Variants in C7orf78 observed in about 807,000 individuals in gnomAD.
C7orf78 encodes putative uncharacterized protein C7orf78.
chr7:12,507,304 CAAAAA>C, the C7orf78 span: 10 of 75,084 alleles, frequency 1.3e-4, no homozygotes, highest in South Asian at 4.9e-4. Context: ...GAGACTCCAC[CAAAAA>C]AAAAAAAAAA....
chr7:12,541,880 C>A, the C7orf78 span: 1 of 152,168 alleles, frequency 6.6e-6, no homozygotes, highest in African/African-American at 2.4e-5. Flanking sequence ...CTCCAAGTAA[C>A]AGAAATAATA....
At chr7:12,492,896 A>C in the C7orf78 span, among the ~76,000 whole-genome samples, 3 of 152,158 alleles carry the variant, frequency 2.0e-5, no homozygotes, top group African/African-American at 7.2e-5. Flanking sequence ...ATCACTTAGG[A>C]TATCTGTTTA....
At chr7:12,513,129 T>C in the C7orf78 span, among the ~76,000 whole-genome samples, 8 of 152,174 alleles carry the variant, frequency 5.3e-5, no homozygotes, top group South Asian at 8.3e-4. Flanking sequence ...TTGTATTTCA[T>C]TGATTCTCTG....
At chr7:12,494,015 T>C in the C7orf78 span, among the ~76,000 whole-genome samples, 27,727 of 152,176 alleles carry the variant, frequency 0.18, 2,947 homozygotes, top group Middle Eastern at 0.26. Context: ...ATAGGGTTAG[T>C]ATTGGATGAG....
the C7orf78 span, among the ~76,000 whole-genome samples, chr7:12,501,767 T>A: frequency 9.5e-5 from 14 of 147,214 alleles, no homozygotes; most frequent in Admixed American, 8.9e-4. Flanking sequence ...AGAGCCCACA[T>A]TGCCAAGTCA....
the C7orf78 span, among the ~76,000 whole-genome samples, chr7:12,498,974 C>T: frequency 6.6e-6 from 1 of 151,852 alleles, no homozygotes; most frequent in African/African-American, 2.4e-5. Flanking sequence ...ATTTCATTTC[C>T]AGCCAAACTA....
the C7orf78 span, among the ~76,000 whole-genome samples, chr7:12,540,062 GT>G: frequency 6.6e-6 from 1 of 152,296 alleles, no homozygotes; most frequent in East Asian, 1.9e-4. Flanking sequence ...TATTGGGTTG[GT>G]TTCAATGGAA....
chr7:12,512,086 A>C, the C7orf78 span, among the ~76,000 whole-genome samples: 1 of 151,674 alleles, frequency 6.6e-6, no homozygotes, highest in African/African-American at 2.4e-5. Context: ...GAATTTGTTT[A>C]TTAGTTCTAA....
the C7orf78 span, chr7:12,491,328 C>G: frequency 6.6e-6 from 1 of 152,130 alleles, no homozygotes; most frequent in Non-Finnish European, 1.5e-5. Flanking sequence ...TCCTTTACGT[C>G]AAAATAATTT....
the C7orf78 span, among the ~76,000 whole-genome samples, chr7:12,540,101 T>C: frequency 9.6e-4 from 147 of 152,360 alleles, no homozygotes; most frequent in Admixed American, 3.5e-3. Flanking sequence ...AGGAAAACTC[T>C]TGTCCATGTG....
chr7:12,487,287 G>T, the C7orf78 span, among the ~76,000 whole-genome samples: 1 of 151,972 alleles, frequency 6.6e-6, no homozygotes, highest in Admixed American at 6.6e-5. Context: ...AGAAGTCAGG[G>T]ATTAAATTTT....
At chr7:12,524,874 A>G in the C7orf78 span, among the ~76,000 whole-genome samples, 2 of 152,062 alleles carry the variant, frequency 1.3e-5, no homozygotes, top group Admixed American at 1.3e-4. Flanking sequence ...CAGACTTAAA[A>G]ACTTGAGTAA....
At chr7:12,528,962 C>T in the C7orf78 span, 11 of 398,472 alleles carry the variant, frequency 2.8e-5, no homozygotes, top group Admixed American at 2.2e-4. Flanking sequence ...AGATTTATCA[C>T]CCACAAGCAT....
chr7:12,495,644 G>C, the C7orf78 span, among the ~76,000 whole-genome samples: 1 of 152,108 alleles, frequency 6.6e-6, no homozygotes, highest in East Asian at 1.9e-4. Flanking sequence ...AGTAAAGAAA[G>C]TCTCTTGTTT....
At chr7:12,504,660 A>C in the C7orf78 span, 1 of 152,128 alleles carries the variant, frequency 6.6e-6, no homozygotes, top group African/African-American at 2.4e-5. Flanking sequence ...TTATATGTTA[A>C]GGTATATAAG....
chr7:12,490,961 G>T, the C7orf78 span: 2 of 151,366 alleles, frequency 1.3e-5, no homozygotes, highest in Admixed American at 6.6e-5. Flanking sequence ...CTAGTGTAAG[G>T]CTCTACCCAT....
At chr7:12,495,929 AT>A in the C7orf78 span, among the ~76,000 whole-genome samples, 14,141 of 146,650 alleles carry the variant, frequency 0.096, 783 homozygotes, top group Non-Finnish European at 0.13. Context: ...CTCAAAAAAA[AT>A]TTTTTTTTTT....
the C7orf78 span, among the ~76,000 whole-genome samples, chr7:12,492,566 C>T: frequency 1.3e-5 from 2 of 152,172 alleles, no homozygotes; most frequent in African/African-American, 2.4e-5. Context: ...TACATAAACA[C>T]AATCCAAAGT....
At chr7:12,541,153 G>C in the C7orf78 span, 3 of 152,206 alleles carry the variant, frequency 2.0e-5, no homozygotes, top group Admixed American at 6.5e-5. Context: ...TTTTGATTTA[G>C]TTTGTGAAAG....
Sources: gnomAD v4.1 joint callset for allele counts (sites outside exome capture counted in the v4.1 genomes callset) on GRCh38, gnomAD v4.1.1 for gene constraint, MANE v1.5 for transcripts, NCBI Gene and HGNC (gene_info 2026-07-23, HGNC 2026-07-21) for gene names.